Variants in AGO2 observed in about 807,000 individuals in gnomAD.
The protein encoded by AGO2 is argonaute RISC catalytic component 2, also known as protein argonaute-2.
In AGO2, 5 loss-of-function variants were observed where a neutral mutation model predicts 102.3. That is an observed-to-expected ratio of 0.05 (90% CI 0.03 to 0.10). AGO2 has a LOEUF of 0.10. AGO2 is among the 10% of genes least tolerant of loss of function. AGO2 has a pLI of 1.00. For synonymous variants in AGO2, 449 were observed against 473.1 expected (o/e 0.95, Z 0.66); for missense variants, 541 against 1,183.7 (o/e 0.46, Z 7.97).
At chr8:140,641,295 AACACACACACACAC>A in the AGO2 span, among the ~76,000 whole-genome samples, 199 of 146,980 alleles carry the variant, frequency 1.4e-3, no homozygotes, top group African/African-American at 4.7e-3. Flanking sequence ...GCTGTCTCAA[AACACACACACACAC>A]ACACACACAC....
chr8:140,617,576 A>G, intron 1 of AGO2, among the ~76,000 whole-genome samples: 1 of 152,114 alleles, frequency 6.6e-6, no homozygotes, highest in East Asian at 1.9e-4. Flanking sequence ...CTTATGCCCA[A>G]ATGAAGAGTT....
chr8:140,549,436 C>A, intron 11 of AGO2, 138 bp from the exon 12 acceptor site: 1 of 790,422 alleles, frequency 1.3e-6, no homozygotes, highest in Non-Finnish European at 1.9e-6. Flanking sequence ...TCTTAAAGTC[C>A]TGAATGAGGC....
At chr8:140,532,681 A>T in intron 17 of AGO2, 66 bp from the exon 18 acceptor site, 1 of 1,484,188 alleles carries the variant, frequency 6.7e-7, no homozygotes, top group Non-Finnish European at 9.3e-7. Flanking sequence ...ACTGTGGAGA[A>T]GATTTATATT....
chr8:140,611,608 G>A (rs945468603), intron 1 of AGO2, among the ~76,000 whole-genome samples: 8 of 152,236 alleles, frequency 5.3e-5, no homozygotes, highest in Non-Finnish European at 1.0e-4. Context: ...GATTACAGGC[G>A]TGAGCCACTG....
chr8:140,610,059 G>T (rs1202564370), intron 1 of AGO2, among the ~76,000 whole-genome samples: 1 of 145,170 alleles, frequency 6.9e-6, no homozygotes, highest in Non-Finnish European at 1.5e-5. Flanking sequence ...AAAAAGAAAA[G>T]CCAGGTATGG....
chr8:140,638,053 C>T (rs190607151), upstream of AGO2: 4 of 152,324 alleles, frequency 2.6e-5, no homozygotes, highest in African/African-American at 7.2e-5. Context: ...TTGATAAGAC[C>T]GTGGGCTCTA....
intron 1 of AGO2, among the ~76,000 whole-genome samples, chr8:140,634,444 G>C (rs1000385321): frequency 6.6e-6 from 1 of 152,250 alleles, no homozygotes; most frequent in African/African-American, 2.4e-5. Context: ...CTGGGGCCCA[G>C]CGGACAAAGG....
At chr8:140,547,299 C>T (rs762154330) in intron 13 of AGO2, among the ~76,000 whole-genome samples, 169 bp downstream of exon 13, 6 of 152,356 alleles carry the variant, frequency 3.9e-5, no homozygotes, top group Middle Eastern at 3.4e-3. Context: ...CCCAGCAGAG[C>T]GTGAGCAGCC....
At chr8:140,544,337 A>G in intron 13 of AGO2, 34 bp from the exon 14 acceptor site, 2 of 1,575,690 alleles carry the variant, frequency 1.3e-6, no homozygotes, top group East Asian at 2.4e-5. Flanking sequence ...GGCCACGGTG[A>G]GACACGCCTG....
At chr8:140,558,861 C>T (rs991251735) in intron 6 of AGO2, among the ~76,000 whole-genome samples, 5 of 152,180 alleles carry the variant, frequency 3.3e-5, no homozygotes, top group Admixed American at 6.5e-5. Flanking sequence ...ACACGGGGTA[C>T]GGTGGATGGC....
At chr8:140,640,526 C>G (rs915589734), upstream of AGO2, among the ~76,000 whole-genome samples, 1 of 148,452 alleles carries the variant, frequency 6.7e-6, no homozygotes, top group Admixed American at 6.7e-5. Flanking sequence ...GCTGGTGTTT[C>G]TTTTTTTTTT....
chr8:140,581,695 TTTAGTAAAG>T (rs1245667426), intron 2 of AGO2, among the ~76,000 whole-genome samples: 1 of 152,182 alleles, frequency 6.6e-6, no homozygotes, highest in Admixed American at 6.5e-5. Flanking sequence ...TAGGAAGACC[TTTAGTAAAG>T]AAAGCTGCTT....
intron 3 of AGO2, 118 bp from the exon 4 acceptor site, chr8:140,562,752 T>A: frequency 1.7e-6 from 2 of 1,196,114 alleles, no homozygotes; most frequent in South Asian, 1.5e-5. Context: ...CCCAGGCCTC[T>A]AGCCAACCAC....
At chr8:140,570,645 G>A (rs918349885) in intron 3 of AGO2, among the ~76,000 whole-genome samples, 5 of 152,154 alleles carry the variant, frequency 3.3e-5, no homozygotes, top group South Asian at 2.1e-4. Context: ...CACAGGCACC[G>A]GACGGGGATG....
chr8:140,552,740 G>GCGCACACA (rs111262864), intron 10 of AGO2, among the ~76,000 whole-genome samples: 1 of 130,886 alleles, frequency 7.6e-6, no homozygotes, highest in African/African-American at 3.0e-5. Context: ...GCGCGCGCGC[G>GCGCACACA]CACACACACA....
chr8:140,532,089 C>G lies in AGO2; in HGVS notation c.2535G>C (p.Ala845=), dbSNP rs559690750. The change falls in exon 19 of 19, where the codon GCG becomes GCC. Residue 845 remains alanine (A), a synonymous_variant. Transcript: ENST00000220592. ...NGRDHQALAK[A]VQVHQDTLRT... is the part of the protein sequence containing the mutation. ...GCAGAGTGTCTTGGTGAACCTGGAC[C>G]GCCTTGGCCAGTGCTTGGTGGTCTC... The G allele has an allele frequency of 3.1e-6, 5 of 1,614,114 alleles. No homozygotes were observed. The South Asian group carries it at 5.5e-5, about 18-fold the overall frequency.
chr8:140,568,103 C>CAAAAAAAAAAAAA (rs553804959), intron 3 of AGO2, among the ~76,000 whole-genome samples: 12 of 110,636 alleles, frequency 1.1e-4, no homozygotes, highest in South Asian at 2.9e-4. Flanking sequence ...ACTAAAAATA[C>CAAAAAAAAAAAAA]AAAAAAAAAA....
At position 140,547,562 on chromosome 8, in the gene AGO2, C is replaced by T. The variant is rs759579021; in HGVS notation, c.1654G>A (p.Val552Met). The change falls in exon 13 of 19, where the codon GTG becomes ATG. Residue 552 changes from valine (V) to methionine (M), a missense_variant. Val to Met is a conservative substitution (Grantham distance 21). Around this residue, in one of 6 missense-constraint regions of AGO2, gnomAD observed 309 missense variants for 735.1 expected, o/e 0.42. Transcript: ENST00000220592. ...MATQCVQMKN[V>M]QRTTPQTLSN... ...AGGGTCTGTGGCGTGGTCCTCTGCA[C>T]GTTCTTCATCTGCACGCACTGCGTG... 5 of 1,614,074 alleles carry T rather than the reference C, an allele frequency of 3.1e-6. No individual in the cohort carries two copies. Among genetic ancestry groups the T allele is most frequent in the Non-Finnish European group, 3.4e-6 (4 of 1,180,010 alleles).
At chr8:140,605,198 A>G (rs2073981530) in intron 1 of AGO2, among the ~76,000 whole-genome samples, 1 of 152,134 alleles carries the variant, frequency 6.6e-6, no homozygotes, top group African/African-American at 2.4e-5. Context: ...GGGCTCAAGC[A>G]ATCTTCCCAC....
Sources: gnomAD v4.1 joint callset for allele counts (sites outside exome capture counted in the v4.1 genomes callset) on GRCh38, gnomAD v4.1.1 for gene constraint, gnomAD v4.1.1 regional missense constraint, MANE v1.5 for transcripts, NCBI Gene and HGNC (gene_info 2026-07-23, HGNC 2026-07-21) for gene names.